Variants in LRRC37A3 observed in about 807,000 individuals in gnomAD.
LRRC37A3 encodes leucine-rich repeat-containing protein 37A3.
A neutral mutation model predicts 106.2 loss-of-function variants in LRRC37A3; 25 were observed. The ratio of observed to expected loss-of-function variants is 0.24; its 90% CI spans 0.17 to 0.33. LRRC37A3 has a LOEUF of 0.33. Ranked by LOEUF, LRRC37A3 falls within the 10% of genes least tolerant of loss-of-function variation. LRRC37A3 has a pLI of 1.00. For synonymous variants in LRRC37A3, 305 were observed against 635.8 expected, an observed-to-expected ratio of 0.48 and a Z score of 7.83; for missense variants, 712 against 1,644.9, an observed-to-expected ratio of 0.43 and a Z score of 9.81.
At chr17:64,871,601 T>G (rs1973314548) in intron 8 of LRRC37A3, 1 of 152,118 alleles carries the variant, frequency 6.6e-6, no homozygotes, top group Non-Finnish European at 1.5e-5. Flanking sequence ...AGTCCTGAAC[T>G]GGGCTGGTAC....
At chr17:64,887,263 C>T (rs1348461727) in intron 6 of LRRC37A3, among the ~76,000 whole-genome samples, 2 of 10,334 alleles carry the variant, frequency 1.9e-4, no homozygotes, top group Non-Finnish European at 3.5e-4. Flanking sequence ...TAATCCAGCA[C>T]TTTCGGAGGC....
intron 4 of LRRC37A3, among the ~76,000 whole-genome samples, chr17:64,893,895 G>A (rs1389148841): frequency 6.7e-5 from 10 of 148,490 alleles, no homozygotes; most frequent in East Asian, 3.9e-4. Context: ...CTCGTGATCC[G>A]CCCGCCTCGG....
In LRRC37A3 at chr17:64,859,747, A is replaced by C. The variant is rs750967192; in HGVS notation, c.4399T>G (p.Ser1467Ala). 6.2e-6 allele frequency: 10 copies of C among 1,613,102 alleles called. No homozygotes were observed. Among genetic ancestry groups the C allele is most frequent in the Admixed American group, 5.0e-5 (3 of 59,948 alleles). Residue 1467 changes from serine (S) to alanine (A), a missense_variant, in exon 12 of 15, where the codon TCG (serine) becomes GCG (alanine). Coordinates refer to ENST00000584306, the MANE Select transcript of LRRC37A3 (RefSeq NM_199340.5). ...EPKSFNYPLL[S>A]SPGDQFEIQL... ...ATTTCAAACTGATCACCTGGGGACG[A>C]GAGCAATGGGTAATTGAAGCTTTTG...
intron 2 of LRRC37A3, among the ~76,000 whole-genome samples, chr17:64,910,552 C>T (rs1005345278): frequency 4.6e-5 from 7 of 151,560 alleles, no homozygotes; most frequent in African/African-American, 9.7e-5. Context: ...GAGTTGACTC[C>T]TACGTTTTCA....
In LRRC37A3 at chr17:64,860,492, G is replaced by A. The variant is rs1388047346; in HGVS notation, c.3654C>T (p.His1218=). Residue 1218 remains histidine, a synonymous_variant, in exon 12 of 15, where the codon CAC becomes CAT. Coordinates refer to ENST00000584306, the MANE Select transcript of LRRC37A3 (RefSeq NM_199340.5). ...CTAACTTCTCAGGCCCCTGCTGTGTGTGAGGCTGTTTCAGCTCCCTTGGGG... is the reference window on the plus strand; with the variant it reads ...CTAACTTCTCAGGCCCCTGCTGTGTATGAGGCTGTTTCAGCTCCCTTGGGG... ...SPAPRELKQP[H]TQQGPEKLAG... 30 of 1,613,256 alleles carry A rather than the reference G, an allele frequency of 1.9e-5. No individual in the cohort carries two copies. Among genetic ancestry groups the A allele is most frequent in the Non-Finnish European group, 2.5e-5 (30 of 1,179,880 alleles).
At chr17:64,915,012 T>C (rs1448735057) in intron 2 of LRRC37A3, among the ~76,000 whole-genome samples, 4 of 152,276 alleles carry the variant, frequency 2.6e-5, no homozygotes, top group African/African-American at 9.6e-5. Flanking sequence ...AGTTGATTCA[T>C]GGGCATAAAA....
intron 2 of LRRC37A3, among the ~76,000 whole-genome samples, chr17:64,915,286 A>T (rs1319809275): frequency 6.8e-6 from 1 of 147,622 alleles, no homozygotes; most frequent in African/African-American, 2.7e-5. Flanking sequence ...AAAGGTGTGG[A>T]ACAACGACCA....
intron 8 of LRRC37A3, among the ~76,000 whole-genome samples, chr17:64,879,643 T>C (rs1021134167): frequency 1.3e-5 from 2 of 152,166 alleles, no homozygotes; most frequent in Admixed American, 1.3e-4. Context: ...ATTCTCAAAC[T>C]AGGGCTTTAA....
intron 8 of LRRC37A3, among the ~76,000 whole-genome samples, chr17:64,870,665 G>A (rs1278000620): frequency 6.6e-6 from 1 of 152,144 alleles, no homozygotes; most frequent in Non-Finnish European, 1.5e-5. Flanking sequence ...AGGTCACCAA[G>A]CTATTAAGCA....
At chr17:64,866,608 ATATATATATATATATATATATT>A (rs1327331047) in intron 10 of LRRC37A3, among the ~76,000 whole-genome samples, 7 of 19,392 alleles carry the variant, frequency 3.6e-4, no homozygotes, top group South Asian at 2.0e-3. Flanking sequence ...ATATATATAT[ATATATATATATATATATATATT>A]TTTTTTTTTT....
At chr17:64,857,662 G>C (rs1023670249) in intron 13 of LRRC37A3, among the ~76,000 whole-genome samples, 3 of 152,194 alleles carry the variant, frequency 2.0e-5, no homozygotes, top group African/African-American at 7.2e-5. Context: ...TCTCACAAAG[G>C]GACTAGGCTC....
At chr17:64,909,411 T>C (rs1044584037) in intron 2 of LRRC37A3, among the ~76,000 whole-genome samples, 3 of 152,230 alleles carry the variant, frequency 2.0e-5, no homozygotes, top group Non-Finnish European at 4.4e-5. Flanking sequence ...GTGATTTCTA[T>C]GGTCATTAAA....
intron 2 of LRRC37A3, among the ~76,000 whole-genome samples, chr17:64,911,023 T>C (rs1001942407): frequency 1.3e-5 from 2 of 152,190 alleles, no homozygotes; most frequent in African/African-American, 2.4e-5. Context: ...ATCAGCTCCA[T>C]AAAATAGCTA....
chr17:64,865,432 A>C (rs1312073863), intron 10 of LRRC37A3, among the ~76,000 whole-genome samples: 2 of 152,218 alleles, frequency 1.3e-5, no homozygotes, highest in Non-Finnish European at 2.9e-5. Flanking sequence ...GCATGAGCCC[A>C]AAATTTTTGT....
chr17:64,874,124 TG>T (rs1973416520), intron 8 of LRRC37A3, among the ~76,000 whole-genome samples: 1 of 152,238 alleles, frequency 6.6e-6, no homozygotes, highest in East Asian at 1.9e-4. Flanking sequence ...GTGCTGGGCA[TG>T]GTTGCTCACA....
At chr17:64,884,551 A>T (rs1208801637) in intron 8 of LRRC37A3, among the ~76,000 whole-genome samples, 1 of 149,892 alleles carries the variant, frequency 6.7e-6, no homozygotes, top group African/African-American at 2.5e-5. Context: ...TTTTTAGTAG[A>T]GACAGGTTTC....
intron 8 of LRRC37A3, among the ~76,000 whole-genome samples, chr17:64,885,440 A>T (rs1311545785): frequency 8.0e-6 from 1 of 124,558 alleles, no homozygotes; most frequent in African/African-American, 3.1e-5. Flanking sequence ...AGTAGAGATG[A>T]GGTTTTGCCA....
intron 13 of LRRC37A3, among the ~76,000 whole-genome samples, chr17:64,856,483 C>T (rs1012370515): frequency 6.3e-4 from 95 of 150,450 alleles, no homozygotes; most frequent in Non-Finnish European, 1.2e-3. Context: ...TGCCTGGCCC[C>T]ATGTAATTTA....
chr17:64,866,638 T>A (rs1413316921), intron 10 of LRRC37A3, among the ~76,000 whole-genome samples: 7 of 94,324 alleles, frequency 7.4e-5, no homozygotes, highest in African/African-American at 1.7e-4. Flanking sequence ...ATTTTTTTTT[T>A]TTTTTTTTTT....
Sources: gnomAD v4.1 joint callset for allele counts (sites outside exome capture counted in the v4.1 genomes callset) on GRCh38, gnomAD v4.1.1 for gene constraint, MANE v1.5 for transcripts, NCBI Gene and HGNC (gene_info 2026-07-23, HGNC 2026-07-21) for gene names.